SLC39A11: variants seen among roughly 807,000 people sequenced by gnomAD.
SLC39A11 encodes zinc transporter ZIP11.
SLC39A11 carries 33 observed loss-of-function variants against 36.1 expected under a neutral mutation model. That is an observed-to-expected ratio of 0.91 (90% confidence interval 0.69 to 1.22). The LOEUF (loss-of-function observed/expected upper bound fraction) is 1.22, where lower values mean the gene tolerates loss of function less well. SLC39A11 is among the 50% of genes most tolerant of loss of function. The pLI is 0.00. For synonymous variants in SLC39A11, 166 were observed against 170.3 expected, an observed-to-expected ratio of 0.97 and a Z score of 0.20; for missense variants, 432 against 430.3, an observed-to-expected ratio of 1.00 and a Z score of -0.03.
chr17:72,759,141 G>T (rs987092767), intron 6 of SLC39A11, among the ~76,000 whole-genome samples: 11 of 135,640 alleles, frequency 8.1e-5, no homozygotes, highest in African/African-American at 3.1e-4. Flanking sequence ...AATAATCTTG[G>T]AAAACAATTA....
chr17:72,769,483 C>T (rs1262239236), intron 6 of SLC39A11, among the ~76,000 whole-genome samples: 2 of 152,094 alleles, frequency 1.3e-5, no homozygotes, highest in Non-Finnish European at 2.9e-5. Flanking sequence ...CTGCTTAAGA[C>T]AAACCCGCCT....
chr17:72,919,669 CAAA>C (rs35888661), intron 5 of SLC39A11, among the ~76,000 whole-genome samples: 2 of 69,004 alleles, frequency 2.9e-5, no homozygotes, highest in Non-Finnish European at 5.2e-5. Context: ...GAGAGTCCGT[CAAA>C]AAAAAAAAAA....
At chr17:72,959,635 G>A (rs1163672365) in intron 4 of SLC39A11, among the ~76,000 whole-genome samples, 1 of 151,430 alleles carries the variant, frequency 6.6e-6, no homozygotes, top group Non-Finnish European at 1.5e-5. Context: ...TCGGGTGATG[G>A]GTGCACCAAA....
chr17:72,865,996 T>C (rs1261365367), intron 5 of SLC39A11, among the ~76,000 whole-genome samples: 2 of 152,070 alleles, frequency 1.3e-5, no homozygotes, highest in African/African-American at 2.4e-5. Flanking sequence ...AGATGGACAA[T>C]ATCAAGAACA....
chr17:72,956,901 T>C (rs536882365), intron 4 of SLC39A11, among the ~76,000 whole-genome samples: 13 of 152,206 alleles, frequency 8.5e-5, no homozygotes, highest in Non-Finnish European at 1.8e-4. Flanking sequence ...CAGCCGGTTA[T>C]TATTGTTCTA....
chr17:73,073,457 C>T (rs546310294), intron 3 of SLC39A11, among the ~76,000 whole-genome samples: 77 of 152,284 alleles, frequency 5.1e-4, no homozygotes, highest in African/African-American at 1.8e-3. Flanking sequence ...GCTCAAGGTC[C>T]TACCAAACCA....
rs543619173 is a variant in SLC39A11 at position 72,695,453 on chromosome 17, G to A, written c.671+41197C>T. ...GGGTGCTTCCTGGCAAGCTGTTATT[G>A]CTGAATATTTCTCCCATCCAAGTAC... On this transcript the variant is annotated intron_variant, in intron 7 of 9. Transcript: ENST00000255559. Among the ~76,000 whole-genome samples, 4 of 152,326 alleles carry A rather than the reference G, an allele frequency of 2.6e-5. 1 individual carries two copies. The highest frequency in any genetic ancestry group is 9.6e-5 in the African/African-American group (4 of 41,582).
rs146644960 is a variant in SLC39A11 at position 73,067,846 on chromosome 17, CA to C, written c.147+16961del. The C allele has an allele frequency of 2.6e-3, 4,090 of 1,594,740 alleles. 92 individuals are homozygous for C. In the African/African-American group the frequency reaches 0.045, roughly 18 times the overall value. Reference sequence around the variant, plus strand: ...TTCTGTGAAAATCCATTTAATGTAGCAAGTTGATTTTCTTTGTGGTTCATCC... The same window carrying C: ...TTCTGTGAAAATCCATTTAATGTAGCAGTTGATTTTCTTTGTGGTTCATCC... On this transcript the variant is annotated intron_variant, in intron 3 of 9. Coordinates refer to ENST00000255559, the MANE Select transcript of SLC39A11 (RefSeq NM_139177.4).
chr17:72,883,857 T>C (rs916168732), intron 5 of SLC39A11, among the ~76,000 whole-genome samples: 1 of 152,080 alleles, frequency 6.6e-6, no homozygotes, highest in African/African-American at 2.4e-5. Context: ...ATTCTGCCCA[T>C]AGAAAGGAGA....
At chr17:73,033,859 T>C (rs1210717294) in intron 3 of SLC39A11, among the ~76,000 whole-genome samples, 1 of 152,102 alleles carries the variant, frequency 6.6e-6, no homozygotes, top group Non-Finnish European at 1.5e-5. Flanking sequence ...CAAGCATAAA[T>C]CCATAAATTC....
chr17:72,937,941 G>A (rs148706498), intron 5 of SLC39A11, among the ~76,000 whole-genome samples: 112 of 152,300 alleles, frequency 7.4e-4, no homozygotes, highest in Non-Finnish European at 9.3e-4. Context: ...ACAAGCTCAT[G>A]GTGAGTTTGT....
In SLC39A11 at chr17:72,667,051, G is replaced by A. The variant is rs752838056; in HGVS notation, c.672-17783C>T. Among the ~76,000 whole-genome samples, 11 of 152,180 alleles carry A rather than the reference G, an allele frequency of 7.2e-5. No individual in the cohort carries two copies. In the East Asian group the frequency reaches 9.6e-4, roughly 13 times the overall value. On this transcript the variant is annotated intron_variant, in intron 7 of 9. Transcript: ENST00000255559. Reference sequence around the variant, plus strand: ...CTTTGGAGCACAGGAAAGTTTAAGCGGCAATAGAGAGCCTTTGAGTCAATG... The same window carrying A: ...CTTTGGAGCACAGGAAAGTTTAAGCAGCAATAGAGAGCCTTTGAGTCAATG...
rs539589067 is a variant in SLC39A11, at chr17:72,917,414, G to A, written c.430+30338C>T. Among the ~76,000 whole-genome samples, 6 of 152,302 alleles carry A rather than the reference G, an allele frequency of 3.9e-5. No homozygotes were observed. The South Asian group carries it at 6.2e-4, about 16-fold the overall frequency. On this transcript the variant is annotated intron_variant, in intron 5 of 9. Transcript: ENST00000255559. ...CTAAATGGAGTTGGGAGGAAACTGC[G>A]AGTTGGGGAAAATCACTAGAGGGAA...
chr17:72,742,318 A>G (rs1031633419), intron 6 of SLC39A11, among the ~76,000 whole-genome samples: 1 of 152,176 alleles, frequency 6.6e-6, no homozygotes, highest in African/African-American at 2.4e-5. Context: ...GGGAGGAGGC[A>G]GCCTCGTTTT....
At chr17:72,759,441 A>T (rs1423434947) in intron 6 of SLC39A11, among the ~76,000 whole-genome samples, 1 of 152,214 alleles carries the variant, frequency 6.6e-6, no homozygotes, top group Non-Finnish European at 1.5e-5. Context: ...AATACAAAGG[A>T]TTCTTAAAAA....
intron 4 of SLC39A11, among the ~76,000 whole-genome samples, chr17:72,993,900 T>C (rs112282646): frequency 1.3e-5 from 2 of 152,144 alleles, no homozygotes; most frequent in African/African-American, 4.8e-5. Context: ...TCATCTTGAA[T>C]TGTAGCTCCC....
chr17:72,936,896 A>T (rs2084807139), intron 5 of SLC39A11, among the ~76,000 whole-genome samples: 1 of 152,034 alleles, frequency 6.6e-6, no homozygotes, highest in Admixed American at 6.5e-5. Context: ...GCTGCTGTTG[A>T]TCTGGCTGGA....
chr17:72,924,088 A>C (rs1436672413), intron 5 of SLC39A11, among the ~76,000 whole-genome samples: 10 of 150,084 alleles, frequency 6.7e-5, no homozygotes, highest in Non-Finnish European at 1.3e-4. Flanking sequence ...TCAAGGCTGC[A>C]GTGAGCCAAA....
Position 72,739,166 on chromosome 17 carries a change from C to T in SLC39A11, c.602-2447G>A, listed in dbSNP as rs149476002. ...TTTTTGAGACACAGTCTCACTCTGT[C>T]GCCCAGGCTGGAGTGCAGTGGTGCG... On this transcript the variant is annotated intron_variant, in intron 6 of 9. Coordinates refer to ENST00000255559, the MANE Select transcript of SLC39A11 (RefSeq NM_139177.4). 7.1e-3 allele frequency among the ~76,000 whole-genome samples: 1,068 copies of T among 150,642 alleles called. 13 individuals carry two copies. Among genetic ancestry groups the T allele is most frequent in the African/African-American group, 0.025 (1,013 of 41,012 alleles).
Sources: gnomAD v4.1 joint callset for allele counts (sites outside exome capture counted in the v4.1 genomes callset) on GRCh38, gnomAD v4.1.1 for gene constraint, MANE v1.5 for transcripts, NCBI Gene and HGNC (gene_info 2026-07-23, HGNC 2026-07-21) for gene names.